ARID2: variants seen among roughly 807,000 people sequenced by gnomAD.
The protein encoded by ARID2 is AT-rich interaction domain 2.
Under a neutral mutation model 184.6 loss-of-function variants are expected in ARID2, and 32 were observed. The ratio of observed to expected loss-of-function variants is 0.17; its 90% CI spans 0.13 to 0.23. The LOEUF is 0.23. Among genes scored for constraint, ARID2 ranks in the 10% least tolerant of loss-of-function variants. The pLI is 1.00. For synonymous variants in ARID2, 836 were observed against 772.6 expected, an observed-to-expected ratio of 1.08 and a Z score of -1.36; for missense variants, 1,696 against 2,197.6, an observed-to-expected ratio of 0.77 and a Z score of 4.56.
intron 3 of ARID2, among the ~76,000 whole-genome samples, chr12:45,763,360 C>G (rs1414884321): frequency 2.0e-5 from 3 of 151,832 alleles, no homozygotes; most frequent in Admixed American, 2.0e-4. Flanking sequence ...ATCCCAGCTA[C>G]CGGGGAGGTG....
In ARID2 at chr12:45,837,424, T is replaced by G; in HGVS notation, c.1120+7T>G. On this transcript the variant is annotated splice_region_variant and intron_variant, in intron 9 of 20. Transcript: ENST00000334344. ...AGATTTTTAAAGATGAGAGGTGAGT[T>G]TTCACTGAAGTATTTACTTTCTAAA... The G allele has an allele frequency of 1.2e-6, 2 of 1,610,966 alleles. No individual in the cohort carries two copies. Among genetic ancestry groups the G allele is most frequent in the Non-Finnish European group, 1.7e-6 (2 of 1,178,154 alleles).
chr12:45,779,634 T>G (rs890949532), intron 3 of ARID2, among the ~76,000 whole-genome samples: 3 of 152,266 alleles, frequency 2.0e-5, no homozygotes, highest in Admixed American at 6.5e-5. Context: ...TCACTTGAAC[T>G]TTAGGTCTTG....
intron 3 of ARID2, among the ~76,000 whole-genome samples, chr12:45,738,030 A>T (rs1941164300): frequency 6.6e-6 from 1 of 152,210 alleles, no homozygotes; most frequent in African/African-American, 2.4e-5. Context: ...AATTAAAAAT[A>T]AGTGTTCCTC....
At chr12:45,853,745 T>C (rs1018017155) in intron 15 of ARID2, among the ~76,000 whole-genome samples, 1 of 152,216 alleles carries the variant, frequency 6.6e-6, no homozygotes, top group African/African-American at 2.4e-5. Context: ...CTGCCAACTC[T>C]GCTGACACAG....
At chr12:45,878,685 C>T (rs1944050536) in intron 16 of ARID2, among the ~76,000 whole-genome samples, 1 of 152,044 alleles carries the variant, frequency 6.6e-6, no homozygotes, top group African/African-American at 2.4e-5. Context: ...TTTAAATTCT[C>T]AGTCTGAAAA....
chr12:45,899,597 T>C (rs142206171), intron 20 of ARID2, among the ~76,000 whole-genome samples: 30,168 of 146,228 alleles, frequency 0.21, 3,414 homozygotes, highest in Admixed American at 0.26. Flanking sequence ...CAGAGCGAGA[T>C]TCCATCTCAA....
chr12:45,743,302 G>A (rs1941297741), intron 3 of ARID2, among the ~76,000 whole-genome samples: 1 of 152,106 alleles, frequency 6.6e-6, no homozygotes, highest in African/African-American at 2.4e-5. Context: ...CCAGGAGGTG[G>A]AGGTTGTGGT....
chr12:45,837,193 G>C, intron 8 of ARID2, 128 bp from the exon 9 acceptor site: 9 of 1,131,764 alleles, frequency 8.0e-6, no homozygotes, highest in Non-Finnish European at 1.1e-5. Flanking sequence ...TTCAGAAATG[G>C]CTATTTTTAC....
intron 3 of ARID2, among the ~76,000 whole-genome samples, chr12:45,733,571 A>T (rs962630990): frequency 6.6e-6 from 1 of 152,216 alleles, no homozygotes; most frequent in Non-Finnish European, 1.5e-5. Flanking sequence ...GACCTATTGT[A>T]AGACTGTCAT....
chr12:45,888,287 TACAAATACAC>T (rs1331420671), intron 16 of ARID2, among the ~76,000 whole-genome samples: 4 of 152,170 alleles, frequency 2.6e-5, no homozygotes, highest in African/African-American at 9.7e-5. Flanking sequence ...TCTCTAAATT[TACAAATACAC>T]ACAAGTACAG....
intron 3 of ARID2, chr12:45,789,712 G>A (rs778836340): frequency 3.9e-5 from 6 of 151,944 alleles, no homozygotes; most frequent in Non-Finnish European, 7.4e-5. Flanking sequence ...AGTATTTTGC[G>A]GCTATTTTAC....
chr12:45,735,145 A>G (rs1260590851), intron 3 of ARID2, among the ~76,000 whole-genome samples: 1 of 151,936 alleles, frequency 6.6e-6, no homozygotes, highest in African/African-American at 2.4e-5. Flanking sequence ...GCTCTTTCTT[A>G]AATTACACCA....
intron 3 of ARID2, among the ~76,000 whole-genome samples, chr12:45,796,536 T>C (rs1942396049): frequency 6.6e-6 from 1 of 150,652 alleles, no homozygotes; most frequent in South Asian, 2.1e-4. Flanking sequence ...ATTTTGGAGA[T>C]GAAGTATTGC....
At chr12:45,886,264 G>T (rs1944187748) in intron 16 of ARID2, among the ~76,000 whole-genome samples, 1 of 152,146 alleles carries the variant, frequency 6.6e-6, no homozygotes, top group Admixed American at 6.5e-5. Flanking sequence ...AAACCTTAAA[G>T]TTCCAAAATG....
rs200754824 is a variant in ARID2, at chr12:45,850,416, C to T, written c.2293C>T (p.His765Tyr). The T allele has an allele frequency of 7.7e-5, 124 of 1,613,942 alleles. No homozygotes were observed. The highest frequency in any genetic ancestry group is 1.6e-4 in the Middle Eastern group (1 of 6,082). ...TVVNSQTLLH[H>Y]PSVIPQQSPL... is the part of the protein sequence containing the mutation. ...TGTGAATTCTCAGACATTGCTTCAC[C>T]ATCCATCTGTAATTCCACAGCAGTC... Residue 765 changes from histidine to tyrosine, a missense_variant, in exon 15 of 21, where the codon CAT becomes TAT. By Grantham distance (83) the His-to-Tyr change is moderately conservative. Around this residue, in one of 11 missense-constraint regions of ARID2, gnomAD observed 713 missense variants for 824.4 expected, o/e 0.86. Coordinates refer to ENST00000334344, the MANE Select transcript of ARID2 (RefSeq NM_152641.4).
chr12:45,797,560 T>C (rs1942413397), intron 3 of ARID2, among the ~76,000 whole-genome samples: 1 of 152,142 alleles, frequency 6.6e-6, no homozygotes, highest in South Asian at 2.1e-4. Context: ...GAGATAAATA[T>C]CTTAGTCTTT....
intron 3 of ARID2, among the ~76,000 whole-genome samples, chr12:45,756,926 G>C (rs546312685): frequency 6.6e-6 from 1 of 152,100 alleles, no homozygotes; most frequent in Non-Finnish European, 1.5e-5. Context: ...GAGCAGAGGC[G>C]GTTGTAATAT....
chr12:45,818,733 G>A (rs1279731868), intron 5 of ARID2, among the ~76,000 whole-genome samples: 1 of 152,058 alleles, frequency 6.6e-6, no homozygotes, highest in Non-Finnish European at 1.5e-5. Flanking sequence ...TTAGTGAGAT[G>A]TTTGCAAAAG....
intron 16 of ARID2, among the ~76,000 whole-genome samples, chr12:45,875,439 G>A (rs996469200): frequency 7.9e-5 from 12 of 152,190 alleles, no homozygotes; most frequent in Non-Finnish European, 1.6e-4. Flanking sequence ...TGGCCAATGA[G>A]CATTGACTTC....
Sources: gnomAD v4.1 joint callset for allele counts (sites outside exome capture counted in the v4.1 genomes callset) on GRCh38, gnomAD v4.1.1 for gene constraint, gnomAD v4.1.1 regional missense constraint, MANE v1.5 for transcripts, NCBI Gene and HGNC (gene_info 2026-07-23, HGNC 2026-07-21) for gene names.